Variants in SYT17 observed in about 807,000 individuals in gnomAD.
SYT17 encodes synaptotagmin-17.
Under a neutral mutation model 46.7 loss-of-function variants are expected in SYT17, and 22 were observed. That is an observed-to-expected ratio of 0.47 (90% CI 0.34 to 0.67). The LOEUF is 0.67. Among genes scored for constraint, SYT17 ranks in the 30% least tolerant of loss-of-function variants. The pLI is 0.01. For missense variants in SYT17, 519 were observed against 612.8 expected, an observed-to-expected ratio of 0.85 and a Z score of 1.62; for synonymous variants, 251 against 248.4, an observed-to-expected ratio of 1.01 and a Z score of -0.10.
At chr16:19,226,949 CAG>C (rs1966518220) in intron 7 of SYT17, among the ~76,000 whole-genome samples, 1 of 152,114 alleles carries the variant, frequency 6.6e-6, no homozygotes, top group South Asian at 2.1e-4. Context: ...TGTGTAAGGA[CAG>C]AGAATCAGAG....
chr16:19,216,136 G>T (rs913410246), intron 5 of SYT17, among the ~76,000 whole-genome samples: 2 of 152,062 alleles, frequency 1.3e-5, no homozygotes, highest in African/African-American at 4.8e-5. Flanking sequence ...ATAAATTCAG[G>T]ATCAGAACAC....
At chr16:19,249,054 C>A (rs1440693957) in intron 7 of SYT17, among the ~76,000 whole-genome samples, 3 of 152,076 alleles carry the variant, frequency 2.0e-5, no homozygotes, top group Non-Finnish European at 2.9e-5. Context: ...GCGGGTGGAT[C>A]ACAAGGTCAG....
intron 7 of SYT17, among the ~76,000 whole-genome samples, chr16:19,232,023 CAG>C (rs1966713177): frequency 6.6e-6 from 1 of 152,260 alleles, no homozygotes; most frequent in Admixed American, 6.5e-5. Context: ...TATTAATCAG[CAG>C]AGAGGATTGC....
chr16:19,239,860 C>T (rs758315881), intron 7 of SYT17, among the ~76,000 whole-genome samples: 39 of 152,166 alleles, frequency 2.6e-4, no homozygotes, highest in Non-Finnish European at 4.6e-4. Context: ...TGTGAGCAAA[C>T]GAGCATGGGG....
intron 5 of SYT17, among the ~76,000 whole-genome samples, chr16:19,220,321 G>A (rs1483757759): frequency 1.1e-4 from 1 of 8,806 alleles, no homozygotes; most frequent in Non-Finnish European, 2.2e-4. Flanking sequence ...TTTTTTTTTT[G>A]AGATGAAGTC....
chr16:19,197,429 T>G (rs1965292921), intron 5 of SYT17, among the ~76,000 whole-genome samples: 1 of 141,570 alleles, frequency 7.1e-6, no homozygotes, highest in South Asian at 2.2e-4. Flanking sequence ...TGTTTTGTTT[T>G]GTTTGTTTGT....
At chr16:19,243,434 G>A (rs905357213) in intron 7 of SYT17, among the ~76,000 whole-genome samples, 1 of 152,128 alleles carries the variant, frequency 6.6e-6, no homozygotes, top group Non-Finnish European at 1.5e-5. Flanking sequence ...ACTTGTGGGT[G>A]GGTTCCTCTT....
intron 6 of SYT17, 128 bp from the exon 7 acceptor site, chr16:19,224,555 G>A (rs531523247): frequency 8.9e-6 from 9 of 1,005,954 alleles, no homozygotes; most frequent in Non-Finnish European, 1.2e-5. Context: ...ATGAAAAGTT[G>A]AATGGGTGGA....
At chr16:19,190,776 G>C (rs978334090) in intron 5 of SYT17, among the ~76,000 whole-genome samples, 3 of 60,160 alleles carry the variant, frequency 5.0e-5, no homozygotes, top group Non-Finnish European at 1.0e-4. Context: ...TCCTGTGTGT[G>C]TGTGTGTGTG....
intron 2 of SYT17, chr16:19,173,021 T>C (rs1483331260): frequency 1.7e-6 from 1 of 586,646 alleles, no homozygotes; most frequent in Admixed American, 3.5e-5. Context: ...GTCTGTTTCA[T>C]GTCACCGAGA....
rs754966182 is a variant in SYT17 at position 19,173,491 on chromosome 16, A to G, written c.95A>G (p.Gln32Arg). The G allele has an allele frequency of 2.5e-6, 4 of 1,612,486 alleles. No individual in the cohort carries two copies. Among genetic ancestry groups the G allele is most frequent in the South Asian group, 2.2e-5 (2 of 91,018 alleles). ...LCRWTCRHCC[Q>R]KCYESSCCQS... is the part of the protein sequence containing the mutation. ...AGATGGACCTGCCGGCACTGCTGTC[A>G]GAAGTGCTACGAGTCCAGCTGTTGC... Residue 32 changes from glutamine (Q) to arginine (R), a missense_variant, in exon 3 of 8, where the codon CAG becomes CGG. Gln to Arg is a conservative substitution (Grantham distance 43). Coordinates refer to ENST00000355377, the MANE Select transcript of SYT17 (RefSeq NM_016524.4).
chr16:19,246,012 A>AT (rs71375626), intron 7 of SYT17, among the ~76,000 whole-genome samples: 118 of 147,366 alleles, frequency 8.0e-4, no homozygotes, highest in African/African-American at 2.3e-3. Flanking sequence ...TTATTTATTT[A>AT]TTTTTTTTTT....
intron 7 of SYT17, among the ~76,000 whole-genome samples, chr16:19,263,835 C>A (rs1969170666): frequency 6.6e-6 from 1 of 152,068 alleles, no homozygotes. Flanking sequence ...CATGGATGAA[C>A]CAGACAGATA....
chr16:19,231,452 T>C (rs1966679646), intron 7 of SYT17, among the ~76,000 whole-genome samples: 1 of 123,614 alleles, frequency 8.1e-6, no homozygotes, highest in African/African-American at 3.1e-5. Flanking sequence ...GTGCCTGTTA[T>C]CCCAGCTACT....
intron 7 of SYT17, among the ~76,000 whole-genome samples, chr16:19,240,976 C>T (rs1191756616): frequency 8.0e-6 from 1 of 125,388 alleles, no homozygotes; most frequent in Non-Finnish European, 1.6e-5. Context: ...GAGACGGAGT[C>T]TCGCTCTGTC....
intron 7 of SYT17, among the ~76,000 whole-genome samples, chr16:19,261,053 C>T (rs936556267): frequency 2.0e-5 from 3 of 152,088 alleles, no homozygotes; most frequent in Non-Finnish European, 4.4e-5. Flanking sequence ...GTTGCCCAAG[C>T]TGGTCTCGAA....
intron 5 of SYT17, among the ~76,000 whole-genome samples, chr16:19,203,253 G>A (rs1965534264): frequency 1.3e-5 from 2 of 152,062 alleles, no homozygotes; most frequent in Admixed American, 1.3e-4. Context: ...CAGTTTGGGA[G>A]GCCGAGGAGG....
chr16:19,223,988 A>C (rs1966414050), intron 6 of SYT17, among the ~76,000 whole-genome samples: 1 of 152,226 alleles, frequency 6.6e-6, no homozygotes, highest in Non-Finnish European at 1.5e-5. Flanking sequence ...TATGTGCCTC[A>C]ATTTCTCAAT....
At chr16:19,190,768 CTGTGTGTGTGTG>C (rs56947560) in intron 5 of SYT17, among the ~76,000 whole-genome samples, 18,692 of 144,764 alleles carry the variant, frequency 0.13, 1,295 homozygotes, top group African/African-American at 0.2. Context: ...AATAATATTC[CTGTGTGTGTGTG>C]TGTGTGTGTG....
Sources: gnomAD v4.1 joint callset for allele counts (sites outside exome capture counted in the v4.1 genomes callset) on GRCh38, gnomAD v4.1.1 for gene constraint, MANE v1.5 for transcripts, NCBI Gene and HGNC (gene_info 2026-07-23, HGNC 2026-07-21) for gene names.